Variants in UNC13C observed in about 807,000 individuals in gnomAD.
UNC13C encodes the protein protein unc-13 homolog C.
Under a neutral mutation model 245.4 loss-of-function variants are expected in UNC13C, and 174 were observed. The ratio of observed to expected loss-of-function variants is 0.71; its 90% CI spans 0.63 to 0.80. The LOEUF (loss-of-function observed/expected upper bound fraction) is 0.80, where lower values mean the gene tolerates loss of function less well. UNC13C is among the 30% of genes least tolerant of loss of function. The pLI is 0.00. For missense variants in UNC13C, 2,829 were observed against 2,602.9 expected, an observed-to-expected ratio of 1.09 and a Z score of -1.89; for synonymous variants, 992 against 895.1, an observed-to-expected ratio of 1.11 and a Z score of -1.93.
intron 16 of UNC13C, among the ~76,000 whole-genome samples, chr15:54,334,794 C>A (rs16973458): frequency 6.6e-6 from 1 of 151,974 alleles, no homozygotes; most frequent in South Asian, 2.1e-4. Context: ...ATCAAGTTGA[C>A]TTAGATTGAC....
At chr15:54,007,402 C>T (rs145947387) in intron 1 of UNC13C, among the ~76,000 whole-genome samples, 2 of 152,246 alleles carry the variant, frequency 1.3e-5, no homozygotes, top group African/African-American at 4.8e-5. Flanking sequence ...AAATGTGGTA[C>T]ATATACACTA....
At chr15:54,253,862 T>G (rs542389518) in intron 8 of UNC13C, among the ~76,000 whole-genome samples, 1 of 152,172 alleles carries the variant, frequency 6.6e-6, no homozygotes, top group African/African-American at 2.4e-5. Context: ...TGGAAAAAAA[T>G]GCAAATAATC....
At chr15:54,261,707 C>A (rs2036430827) in intron 8 of UNC13C, among the ~76,000 whole-genome samples, 1 of 152,096 alleles carries the variant, frequency 6.6e-6, no homozygotes, top group Non-Finnish European at 1.5e-5. Flanking sequence ...CTACGCCTGG[C>A]TAATTTTTTT....
chr15:54,197,486 T>C (rs2034393759), intron 4 of UNC13C, among the ~76,000 whole-genome samples: 1 of 151,674 alleles, frequency 6.6e-6, no homozygotes, highest in Admixed American at 6.6e-5. Context: ...GAAAAATTAA[T>C]AAGCACATTT....
Position 54,370,822 on chromosome 15 carries a change from C to T in UNC13C, c.4714-22226C>T, listed in dbSNP as rs181605918. On this transcript the variant is annotated intron_variant, in intron 17 of 32. Coordinates refer to ENST00000260323, the MANE Select transcript of UNC13C (RefSeq NM_001080534.3). ...ATATTATAAAGCTATTTTTTAAAAT[C>T]TCAATTATAAAAATTAAAATATCCT... is the stretch of plus-strand genomic sequence containing the variant. Among the ~76,000 whole-genome samples, 111 of 152,012 alleles carry T rather than the reference C, an allele frequency of 7.3e-4. 2 individuals carry two copies. Among genetic ancestry groups the T allele is most frequent in the Non-Finnish European group, 2.2e-4 (15 of 67,954 alleles).
chr15:54,286,790 A>G (rs2037161527), intron 10 of UNC13C, among the ~76,000 whole-genome samples: 1 of 152,210 alleles, frequency 6.6e-6, no homozygotes, highest in Admixed American at 6.5e-5. Flanking sequence ...ATTAGAAACT[A>G]AAATCAAAAC....
chr15:53,919,285 G>T, the UNC13C span, among the ~76,000 whole-genome samples: 1 of 152,198 alleles, frequency 6.6e-6, no homozygotes. Flanking sequence ...TTGTGAGGAT[G>T]AAATATTGGT....
At position 54,002,348 on chromosome 15, in the gene UNC13C, G is replaced by A. The variant is rs191557739; in HGVS notation, c.-256-10300G>A. 5.3e-5 allele frequency among the ~76,000 whole-genome samples: 8 copies of A among 151,872 alleles called. No individual in the cohort carries two copies. In the East Asian group the frequency reaches 5.8e-4, roughly 11 times the overall value. On this transcript the variant is annotated intron_variant, in intron 1 of 32. Transcript: ENST00000260323. ...CTAACTGTATGTTTGAGTAAGTCTC[G>A]AGTAAGTCGCTTAGAAGCTCTGAGT...
intron 8 of UNC13C, among the ~76,000 whole-genome samples, chr15:54,258,996 A>G (rs1253388773): frequency 6.6e-6 from 1 of 152,232 alleles, no homozygotes; most frequent in East Asian, 1.9e-4. Flanking sequence ...GTTTCAGCAC[A>G]GTCAGGGCCC....
intron 10 of UNC13C, among the ~76,000 whole-genome samples, chr15:54,287,517 A>G: frequency 6.6e-6 from 1 of 152,220 alleles, no homozygotes; most frequent in Non-Finnish European, 1.5e-5. Context: ...TATTTCATTC[A>G]ACAAGAAGTT....
chr15:54,630,995 T>G (rs999109868), downstream of UNC13C: 1 of 152,126 alleles, frequency 6.6e-6, no homozygotes, highest in African/African-American at 2.4e-5. Flanking sequence ...TAAGCATATT[T>G]ATTAAAAAGT....
intron 26 of UNC13C, among the ~76,000 whole-genome samples, chr15:54,542,066 G>A (rs531667394): frequency 2.0e-5 from 3 of 152,080 alleles, no homozygotes; most frequent in South Asian, 2.1e-4. Flanking sequence ...TATGGGTTCC[G>A]TTGTCCTTTT....
chr15:53,869,898 G>T, the UNC13C span, among the ~76,000 whole-genome samples: 3 of 152,312 alleles, frequency 2.0e-5, no homozygotes, highest in South Asian at 6.2e-4. Flanking sequence ...GAGTAAACAA[G>T]CTATTTAGAT....
At chr15:53,868,103 G>A in the UNC13C span, among the ~76,000 whole-genome samples, 7 of 152,164 alleles carry the variant, frequency 4.6e-5, no homozygotes, top group African/African-American at 1.2e-4. Flanking sequence ...CCAAAGTGCT[G>A]GGATTACAGA....
chr15:54,034,399 T>C (rs796726679), intron 2 of UNC13C, among the ~76,000 whole-genome samples: 30 of 152,308 alleles, frequency 2.0e-4, no homozygotes, highest in African/African-American at 6.3e-4. Context: ...TTTTGTTCCC[T>C]TACCTTATCT....
intron 18 of UNC13C, among the ~76,000 whole-genome samples, chr15:54,399,894 C>T (rs982176979): frequency 6.6e-6 from 1 of 151,872 alleles, no homozygotes; most frequent in African/African-American, 2.4e-5. Flanking sequence ...GATTTGTTTG[C>T]TTACACTATG....
intron 10 of UNC13C, among the ~76,000 whole-genome samples, chr15:54,267,734 C>T (rs936889644): frequency 5.9e-5 from 9 of 151,904 alleles, no homozygotes; most frequent in African/African-American, 1.7e-4. Context: ...TATGATTTCA[C>T]ATGGTGTAAT....
At chr15:54,417,323 T>C (rs2040543577) in intron 19 of UNC13C, among the ~76,000 whole-genome samples, 1 of 152,168 alleles carries the variant, frequency 6.6e-6, no homozygotes, top group East Asian at 1.9e-4. Context: ...TTTTGCTGTG[T>C]GACCTTGGGA....
At chr15:54,024,534 C>G (rs942233599) in intron 2 of UNC13C, among the ~76,000 whole-genome samples, 8 of 152,136 alleles carry the variant, frequency 5.3e-5, no homozygotes, top group African/African-American at 1.7e-4. Flanking sequence ...TAGGTTGCCT[C>G]CATAGGCTGT....
Sources: gnomAD v4.1 joint callset for allele counts (sites outside exome capture counted in the v4.1 genomes callset) on GRCh38, gnomAD v4.1.1 for gene constraint, MANE v1.5 for transcripts, NCBI Gene and HGNC (gene_info 2026-07-23, HGNC 2026-07-21) for gene names.